The following TCF4 variants were observed in gnomAD, a reference collection of about 807,000 sequenced individuals.
TCF4 encodes transcription factor 4, also known as SL3-3 enhancer factor 2.
Under a neutral mutation model 82.1 loss-of-function variants are expected in TCF4, and 3 were observed. The observed-to-expected ratio is 0.04, with a 90% confidence interval of 0.02 to 0.09. The LOEUF (loss-of-function observed/expected upper bound fraction) is 0.09. Ranked by LOEUF, TCF4 falls within the 10% of genes least tolerant of loss-of-function variation. The pLI, the probability that TCF4 is intolerant of heterozygous loss-of-function variation, is 1.00. For missense variants in TCF4, 518 were observed against 852.7 expected, an observed-to-expected ratio of 0.61 and a Z score of 4.89; for synonymous variants, 276 against 309.6, an observed-to-expected ratio of 0.89 and a Z score of 1.14.
At chr18:55,257,412 A>G (rs761807411) in intron 13 of TCF4, 21 bp from the exon 14 acceptor site, 4 of 1,612,372 alleles carry the variant, frequency 2.5e-6, no homozygotes, top group Non-Finnish European at 3.4e-6. Flanking sequence ...AGTGGGAATT[A>G]CAATCAGATC....
intron 8 of TCF4, among the ~76,000 whole-genome samples, chr18:55,342,509 T>A (rs2080214215): frequency 6.6e-6 from 1 of 152,120 alleles, no homozygotes; most frequent in African/African-American, 2.4e-5. Context: ...GAACTGTGCT[T>A]TTCTACTTGA....
At chr18:55,369,207 A>T (rs564251445) in intron 6 of TCF4, among the ~76,000 whole-genome samples, 30 of 152,330 alleles carry the variant, frequency 2.0e-4, no homozygotes, top group Admixed American at 5.2e-4. Context: ...TGTCAATAAC[A>T]TAAATCCTAC....
intron 12 of TCF4, 63 bp downstream of exon 12, chr18:55,261,403 C>T: frequency 2.7e-5 from 42 of 1,582,934 alleles, no homozygotes; most frequent in Non-Finnish European, 3.6e-5. Context: ...CAAATGTCCA[C>T]TTCTGATTAA....
intron 8 of TCF4, among the ~76,000 whole-genome samples, chr18:55,298,944 C>A (rs1309734265): frequency 6.6e-6 from 1 of 152,090 alleles, no homozygotes; most frequent in African/African-American, 2.4e-5. Context: ...TCTCTAGAGT[C>A]GATCAGACAG....
intron 10 of TCF4, among the ~76,000 whole-genome samples, chr18:55,270,938 C>T (rs1031340246): frequency 2.0e-5 from 3 of 152,114 alleles, no homozygotes; most frequent in Non-Finnish European, 4.4e-5. Context: ...CTAAAATACA[C>T]TTTTTCTTCA....
chr18:55,545,771 C>T (rs532563522), intron 3 of TCF4, among the ~76,000 whole-genome samples: 1 of 152,092 alleles, frequency 6.6e-6, no homozygotes, highest in Non-Finnish European at 1.5e-5. Context: ...TTTATTCACC[C>T]ACTTAATGTA....
At chr18:55,432,649 C>T (rs1006729762) in intron 5 of TCF4, among the ~76,000 whole-genome samples, 1 of 152,182 alleles carries the variant, frequency 6.6e-6, no homozygotes, top group Non-Finnish European at 1.5e-5. Flanking sequence ...CTCTACTCGC[C>T]CCTCTCCACT....
chr18:55,284,886 G>A (rs1379106571), intron 8 of TCF4, among the ~76,000 whole-genome samples: 1 of 152,174 alleles, frequency 6.6e-6, no homozygotes, highest in Non-Finnish European at 1.5e-5. Context: ...TTTACTGAGT[G>A]CCACTGATGT....
intron 5 of TCF4, among the ~76,000 whole-genome samples, chr18:55,414,867 G>A (rs1197404661): frequency 6.6e-6 from 1 of 152,174 alleles, no homozygotes; most frequent in Non-Finnish European, 1.5e-5. Flanking sequence ...GTCTGCCAGT[G>A]AGCACAGCTT....
intron 8 of TCF4, among the ~76,000 whole-genome samples, chr18:55,293,370 A>T (rs2065579642): frequency 6.6e-6 from 1 of 152,154 alleles, no homozygotes; most frequent in South Asian, 2.1e-4. Flanking sequence ...TGAAATAAAA[A>T]CTGCTCTCTT....
intron 15 of TCF4, among the ~76,000 whole-genome samples, chr18:55,253,169 C>T (rs2055757963): frequency 1.3e-5 from 2 of 152,200 alleles, no homozygotes; most frequent in African/African-American, 2.4e-5. Context: ...TTCAATACTA[C>T]ACCGTTCAGA....
chr18:55,426,845 AACACAGACACACAAAGACACAC>A (rs1419903160), intron 5 of TCF4, among the ~76,000 whole-genome samples: 1 of 151,980 alleles, frequency 6.6e-6, no homozygotes, highest in Non-Finnish European at 1.5e-5. Context: ...CAAAGACACA[AACACAGACACACAAAGACACAC>A]ACACACACTC....
At chr18:55,263,400 C>T (rs1199979326) in intron 11 of TCF4, among the ~76,000 whole-genome samples, 1 of 151,950 alleles carries the variant, frequency 6.6e-6, no homozygotes, top group Non-Finnish European at 1.5e-5. Flanking sequence ...AGATAAAATA[C>T]AACAAATTAT....
intron 3 of TCF4, among the ~76,000 whole-genome samples, chr18:55,539,422 A>T (rs769634337): frequency 3.6e-4 from 55 of 152,214 alleles, no homozygotes; most frequent in Non-Finnish European, 6.2e-4. Flanking sequence ...CTATTTGCTT[A>T]GTTTGGGAAC....
chr18:55,511,436 G>A (rs1366061235), intron 3 of TCF4, among the ~76,000 whole-genome samples: 2 of 151,366 alleles, frequency 1.3e-5, no homozygotes, highest in Non-Finnish European at 2.9e-5. Context: ...CTATACTGGA[G>A]TATGGGGAAT....
intron 2 of TCF4, among the ~76,000 whole-genome samples, chr18:55,600,554 G>A (rs970882775): frequency 2.4e-4 from 36 of 152,102 alleles, no homozygotes; most frequent in African/African-American, 8.7e-4. Flanking sequence ...CCATTCTCAC[G>A]GGTGTGAACT....
chr18:55,577,225 CGTTTATAT>C (rs2097538397), intron 3 of TCF4, among the ~76,000 whole-genome samples: 2 of 130,302 alleles, frequency 1.5e-5, no homozygotes, highest in African/African-American at 2.9e-5. Context: ...TGTATATATA[CGTTTATAT>C]ATTTATATAT....
intron 2 of TCF4, among the ~76,000 whole-genome samples, chr18:55,608,369 AT>A (rs746413576): frequency 2.5e-3 from 296 of 117,228 alleles, no homozygotes; most frequent in African/African-American, 5.8e-3. Flanking sequence ...TTGCCACAGT[AT>A]TTTTTTTTTT....
rs181892304 is a variant in TCF4 at position 55,470,153 on chromosome 18, T to C, written c.146-6016A>G. Among the ~76,000 whole-genome samples the C allele has an allele frequency of 1.2e-3, 190 of 152,320 alleles. 1 individual carries two copies. Among genetic ancestry groups the C allele is most frequent in the African/African-American group, 4.2e-3 (175 of 41,572 alleles). On this transcript the variant is annotated intron_variant, in intron 3 of 19. Transcript: ENST00000354452. ...ATTTGCAAGATTAAGGAGTTATTGTTAAAGTAAATGAATTAACTAACATTT... is the reference window on the plus strand; with the variant it reads ...ATTTGCAAGATTAAGGAGTTATTGTCAAAGTAAATGAATTAACTAACATTT...
Sources: gnomAD v4.1 joint callset for allele counts (sites outside exome capture counted in the v4.1 genomes callset) on GRCh38, gnomAD v4.1.1 for gene constraint, MANE v1.5 for transcripts, NCBI Gene and HGNC (gene_info 2026-07-23, HGNC 2026-07-21) for gene names.